Variants in POLN observed in about 807,000 individuals in gnomAD.
POLN encodes DNA polymerase nu, also known as DNA polymerase N.
In POLN, 108 loss-of-function variants were observed where a neutral mutation model predicts 113.5. The observed-to-expected ratio is 0.95, with a 90% CI of 0.81 to 1.12. The LOEUF (loss-of-function observed/expected upper bound fraction) is 1.12, where lower values mean the gene tolerates loss of function less well. Ranked by LOEUF, POLN falls within the 50% of genes most tolerant of loss-of-function variation. The pLI, the probability that POLN is intolerant of heterozygous loss-of-function variation, is 0.00. For synonymous variants in POLN, 386 were observed against 391.5 expected, an observed-to-expected ratio of 0.99 and a Z score of 0.17; for missense variants, 1,097 against 1,077.1, an observed-to-expected ratio of 1.02 and a Z score of -0.26.
intron 16 of POLN, among the ~76,000 whole-genome samples, chr4:2,134,093 A>T (rs1248338390): frequency 6.6e-6 from 1 of 152,142 alleles, no homozygotes; most frequent in Non-Finnish European, 1.5e-5. Flanking sequence ...AATGTCACAT[A>T]ATTTGGAATC....
At chr4:2,147,543 A>G (rs1732175011) in intron 16 of POLN, among the ~76,000 whole-genome samples, 1 of 151,850 alleles carries the variant, frequency 6.6e-6, no homozygotes, top group Non-Finnish European at 1.5e-5. Flanking sequence ...ATTGGCCCAC[A>G]CTGTCAACAG....
At chr4:2,229,873 C>T (rs6851446) in intron 2 of POLN, 38,375 of 152,062 alleles carry the variant, frequency 0.25, 7,751 homozygotes, top group African/African-American at 0.54. Flanking sequence ...AATAAACCTA[C>T]CTAGTAACAC....
intron 3 of POLN, among the ~76,000 whole-genome samples, chr4:2,218,949 G>C (rs1734187514): frequency 6.6e-6 from 1 of 152,170 alleles, no homozygotes; most frequent in East Asian, 1.9e-4. Flanking sequence ...TCCTGTAGGG[G>C]TTTAAGGATG....
intron 7 of POLN, among the ~76,000 whole-genome samples, chr4:2,192,618 G>A (rs1037126356): frequency 2.0e-5 from 3 of 151,936 alleles, no homozygotes; most frequent in Non-Finnish European, 2.9e-5. Context: ...GATTACAGGT[G>A]TGACCCACTG....
At chr4:2,139,890 CA>C (rs1731953602) in intron 16 of POLN, 1 of 151,590 alleles carries the variant, frequency 6.6e-6, no homozygotes, top group African/African-American at 2.4e-5. Context: ...GAAAGAAAGG[CA>C]GAGCTCTCCA....
At chr4:2,208,514 T>C (rs1357564396) in intron 4 of POLN, 27 bp from the exon 5 acceptor site, 5 of 1,465,358 alleles carry the variant, frequency 3.4e-6, no homozygotes, top group African/African-American at 1.4e-5. Flanking sequence ...AATATTTCAT[T>C]AGAATATGGA....
chr4:2,081,288 T>C (rs1730411091), intron 22 of POLN: 1 of 1,117,400 alleles, frequency 8.9e-7, no homozygotes, highest in East Asian at 2.7e-5. Flanking sequence ...CAGGCATGCA[T>C]GGGGAGGATG....
intron 16 of POLN, among the ~76,000 whole-genome samples, chr4:2,136,132 G>C (rs1031485473): frequency 1.3e-5 from 2 of 152,218 alleles, no homozygotes; most frequent in Non-Finnish European, 2.9e-5. Context: ...TGTCCAGGGG[G>C]CGGAGACCAT....
chr4:2,208,574 T>C, intron 4 of POLN, 87 bp from the exon 5 acceptor site: 1 of 1,112,218 alleles, frequency 9.0e-7, no homozygotes, highest in Non-Finnish European at 1.2e-6. Flanking sequence ...AAAACTTGTC[T>C]AAGGTAATAT....
chr4:2,112,079 C>T (rs1449495192), intron 19 of POLN, among the ~76,000 whole-genome samples: 8 of 152,182 alleles, frequency 5.3e-5, no homozygotes, highest in African/African-American at 1.9e-4. Flanking sequence ...AGAAATAATG[C>T]TGCATATCTA....
chr4:2,097,803 C>T (rs796456091), intron 19 of POLN, among the ~76,000 whole-genome samples: 20 of 152,198 alleles, frequency 1.3e-4, no homozygotes, highest in African/African-American at 4.6e-4. Context: ...AGTCACCATA[C>T]CCCACCTGCC....
intron 23 of POLN, chr4:2,079,399 T>C: frequency 2.0e-6 from 2 of 979,272 alleles, no homozygotes; most frequent in Non-Finnish European, 2.4e-6. Context: ...CAGGACACCA[T>C]GAGAACACTG....
intron 19 of POLN, among the ~76,000 whole-genome samples, chr4:2,107,063 A>C (rs1477060442): frequency 6.6e-6 from 1 of 151,962 alleles, no homozygotes; most frequent in Non-Finnish European, 1.5e-5. Flanking sequence ...CATTTCTCAG[A>C]TCTTGCACAT....
In POLN at chr4:2,176,999, A is replaced by G. The variant is rs186851718; in HGVS notation, c.1180-665T>C. Among the ~76,000 whole-genome samples, 4 of 152,264 alleles carry G rather than the reference A, an allele frequency of 2.6e-5. No homozygotes were observed. In the East Asian group the frequency reaches 7.7e-4, roughly 29 times the overall value. On this transcript the variant is annotated intron_variant, in intron 8 of 25. Coordinates refer to ENST00000511885, the MANE Select transcript of POLN (RefSeq NM_181808.4). ...TGCTGAAGGCCTGAGATTAGAGTGA[A>G]CATCCCATGGGACCAGTGGCTAAGT...
chr4:2,214,822 T>A (rs1220708787), intron 3 of POLN, among the ~76,000 whole-genome samples: 2 of 151,930 alleles, frequency 1.3e-5, no homozygotes, highest in East Asian at 1.9e-4. Context: ...GTTTGTGAAA[T>A]TTTGACCTAA....
chr4:2,110,032 A>T (rs1289997484), intron 19 of POLN, among the ~76,000 whole-genome samples: 1 of 152,216 alleles, frequency 6.6e-6, no homozygotes, highest in African/African-American at 2.4e-5. Context: ...AAATTATAAC[A>T]AACTGTCTCT....
chr4:2,171,387 T>TA (rs57338564), intron 11 of POLN, among the ~76,000 whole-genome samples: 1 of 88,304 alleles, frequency 1.1e-5, no homozygotes, highest in Admixed American at 1.2e-4. Flanking sequence ...ACCCCACCAC[T>TA]AAAAAAAAAA....
At position 2,242,094 on chromosome 4, in the gene POLN, G is replaced by T. The variant is rs1226916532; in HGVS notation, c.-327C>A. The T allele has an allele frequency of 1.0e-6, 1 of 985,864 alleles. No individual in the cohort carries two copies. The highest frequency in any genetic ancestry group is 1.2e-6 in the Non-Finnish European group (1 of 830,250). The allele number at this position is 985,864 out of a possible 1,614,324, so 61.1% of individuals were successfully genotyped here. ...CTTCTCGCAGGAGCCCGCCGCCACC[G>T]CCCTCCGTGCCCCGCGCGCCTCGCA... On this transcript the variant is annotated 5_prime_UTR_variant, in exon 1 of 26. Transcript: ENST00000511885.
chr4:2,081,633 C>T lies in POLN; in HGVS notation c.2308G>A (p.Gly770Ser), dbSNP rs777535720. 5 of 1,614,164 alleles carry T rather than the reference C, an allele frequency of 3.1e-6. No individual in the cohort carries two copies. The South Asian group carries it at 4.4e-5, about 14-fold the overall frequency. Residue 770 changes from glycine (G) to serine (S), a missense_variant and splice_region_variant, in exon 22 of 26, where the codon GGC becomes AGC. Transcript: ENST00000511885. ...ACTACAGGTAAGAGGCTTCTGGTAC[C>T]TTGCACCACGAAGTTCACTGCCTGT... The part of the protein sequence containing the change: ...ERQAVNFVVQ[G>S]SAADLCKLAM...
Sources: gnomAD v4.1 joint callset for allele counts (sites outside exome capture counted in the v4.1 genomes callset) on GRCh38, gnomAD v4.1.1 for gene constraint, MANE v1.5 for transcripts, NCBI Gene and HGNC (gene_info 2026-07-23, HGNC 2026-07-21) for gene names.